The following RCBTB1 variants were observed in gnomAD, a reference collection of about 807,000 sequenced individuals.
RCBTB1 encodes the protein RCC1 and BTB domain-containing protein 1.
A neutral mutation model predicts 62.4 loss-of-function variants in RCBTB1; 46 were observed. That is an observed-to-expected ratio of 0.74 (90% CI 0.58 to 0.94). RCBTB1 has a LOEUF of 0.94. Among genes scored for constraint, RCBTB1 ranks in the 40% least tolerant of loss-of-function variants. The pLI, the probability that RCBTB1 is intolerant of heterozygous loss-of-function variation, is 0.00. For synonymous variants in RCBTB1, 222 were observed against 245.8 expected (o/e 0.90, Z 0.91); for missense variants, 565 against 654.9 (o/e 0.86, Z 1.50).
chr13:49,534,514 G>A (rs554467642), intron 12 of RCBTB1, among the ~76,000 whole-genome samples: 27 of 149,378 alleles, frequency 1.8e-4, no homozygotes, highest in Admixed American at 1.1e-3. Flanking sequence ...ACACGCGCGC[G>A]CACACACACA....
chr13:49,565,591 CA>C (rs2137308626), intron 4 of RCBTB1, among the ~76,000 whole-genome samples: 1 of 108,220 alleles, frequency 9.2e-6, no homozygotes, highest in East Asian at 2.8e-4. Context: ...CCCGGCCGCC[CA>C]TCGTCTGGGA....
intron 5 of RCBTB1, among the ~76,000 whole-genome samples, chr13:49,556,244 T>C (rs1961855059): frequency 6.7e-6 from 1 of 150,160 alleles, no homozygotes; most frequent in Admixed American, 6.6e-5. Flanking sequence ...TCCCCCAGGC[T>C]GGAGTGCAGT....
chr13:49,565,382 C>G (rs1962855886), intron 4 of RCBTB1, among the ~76,000 whole-genome samples: 1 of 152,212 alleles, frequency 6.6e-6, no homozygotes, highest in South Asian at 2.1e-4. Context: ...CACCTCCCAG[C>G]TGCCTGCCTT....
intron 4 of RCBTB1, among the ~76,000 whole-genome samples, chr13:49,563,309 T>C (rs955556869): frequency 8.7e-6 from 1 of 114,668 alleles, no homozygotes; most frequent in African/African-American, 3.4e-5. Flanking sequence ...CCATAATCAC[T>C]CCACTGTACT....
At chr13:49,543,190 G>C (rs185618352) in intron 10 of RCBTB1, among the ~76,000 whole-genome samples, 1 of 152,156 alleles carries the variant, frequency 6.6e-6, no homozygotes, top group Non-Finnish European at 1.5e-5. Flanking sequence ...CTTGAACACA[G>C]GAGGTGGAGG....
intron 3 of RCBTB1, 38 bp downstream of exon 3, chr13:49,567,116 A>G (rs202123073): frequency 3.0e-5 from 48 of 1,604,664 alleles, no homozygotes; most frequent in Non-Finnish European, 3.8e-5. Flanking sequence ...ATTGCCAAAT[A>G]AGTCCTAAAA....
intron 2 of RCBTB1, among the ~76,000 whole-genome samples, chr13:49,576,595 A>C (rs1249543300): frequency 6.6e-6 from 1 of 152,190 alleles, no homozygotes; most frequent in Non-Finnish European, 1.5e-5. Flanking sequence ...AATTTAAACC[A>C]GACCAAACAA....
chr13:49,544,944 G>T lies in RCBTB1; in HGVS notation c.1046-81C>A, dbSNP rs1266574360. ...CAAAAGACTTCAAAAAGATCATCAT[G>T]ACCGTGATGGATAATTCCACTTGTT... is the stretch of plus-strand genomic sequence containing the variant. On this transcript the variant is annotated intron_variant, in intron 9 of 12. Transcript: ENST00000378302. 4 of 1,112,968 alleles carry T rather than the reference G, an allele frequency of 3.6e-6. No homozygotes were observed. The African/African-American group carries it at 4.8e-5, about 13-fold the overall frequency. The allele number at this position is 1,112,968 out of a possible 1,614,324, so 68.9% of individuals were successfully genotyped here. A position where few individuals can be genotyped will look rare whatever the true frequency, so the allele number is the denominator to read the frequency against.
intron 10 of RCBTB1, among the ~76,000 whole-genome samples, chr13:49,543,841 A>G (rs1960586111): frequency 6.6e-6 from 1 of 152,052 alleles, no homozygotes; most frequent in East Asian, 1.9e-4. Context: ...ATGCACCACC[A>G]CACCTGGCTA....
At chr13:49,574,984 C>T (rs1963676852) in intron 2 of RCBTB1, among the ~76,000 whole-genome samples, 1 of 152,228 alleles carries the variant, frequency 6.6e-6, no homozygotes, top group South Asian at 2.1e-4. Context: ...ACAAATATTG[C>T]ATGATTCCAC....
At chr13:49,576,826 T>C (rs1264000930) in intron 2 of RCBTB1, among the ~76,000 whole-genome samples, 1 of 149,886 alleles carries the variant, frequency 6.7e-6, no homozygotes, top group Non-Finnish European at 1.5e-5. Flanking sequence ...TGAGTTATTA[T>C]TAGGTGAATC....
chr13:49,559,132 G>A (rs1962201578), intron 5 of RCBTB1, among the ~76,000 whole-genome samples: 1 of 152,186 alleles, frequency 6.6e-6, no homozygotes, highest in African/African-American at 2.4e-5. Context: ...TTTGCTTAAA[G>A]TTGTAGTTTC....
In RCBTB1 at chr13:49,544,855, C is replaced by A. The variant is rs765463785; in HGVS notation, c.1054G>T (p.Asp352Tyr). The change falls in exon 10 of 13, where the codon GAC (aspartate) becomes TAC (tyrosine). Residue 352 changes from aspartate (D) to tyrosine (Y), a missense_variant. By Grantham distance (160) the Asp-to-Tyr change is radical. Transcript: ENST00000378302. ...AGTGACTCTGCAACTGTTAAAAAGT[C>A]TTCATGCTCTGAAGGCAACAAACAT... Reference protein sequence around the residue: ...SWRLLSVEHEDFLTVAESLKK... With the variant: ...SWRLLSVEHEYFLTVAESLKK... The A allele has an allele frequency of 6.2e-7, 1 of 1,610,566 alleles. No homozygotes were observed. Among genetic ancestry groups the A allele is most frequent in the South Asian group, 1.1e-5 (1 of 90,892 alleles).
chr13:49,560,024 T>C lies in RCBTB1; in HGVS notation c.338A>G (p.Asn113Ser), dbSNP rs1185275877. ...GACCTGGACGGGAGCAATGCCTTGG[T>C]TGGTCGTCCCATTCCCAAGCTGGCT... The part of the protein sequence containing the change: ...GYSQLGNGTT[N>S]QGIAPVQVCT... Residue 113 changes from asparagine (N) to serine (S), a missense_variant, in exon 5 of 13, where the codon AAC becomes AGC. By Grantham distance (46) the Asn-to-Ser change is conservative (BLOSUM62 1). Transcript: ENST00000378302. 7.4e-6 allele frequency: 12 copies of C among 1,614,070 alleles called. No homozygotes were observed. Among genetic ancestry groups the C allele is most frequent in the African/African-American group, 6.7e-5 (5 of 74,922 alleles).
At chr13:49,567,026 C>T in intron 3 of RCBTB1, 128 bp downstream of exon 3, 1 of 866,960 alleles carries the variant, frequency 1.2e-6, no homozygotes, top group South Asian at 1.8e-5. Context: ...CTATCAAAGC[C>T]ATAGTCTTCC....
chr13:49,580,211 TA>T (rs1291870442), intron 2 of RCBTB1, among the ~76,000 whole-genome samples: 1 of 152,174 alleles, frequency 6.6e-6, no homozygotes, highest in African/African-American at 2.4e-5. Context: ...GTTTTTTCTG[TA>T]AGTTTGTTCT....
chr13:49,562,271 G>A (rs535045246), intron 4 of RCBTB1, among the ~76,000 whole-genome samples: 3 of 152,140 alleles, frequency 2.0e-5, no homozygotes, highest in Non-Finnish European at 2.9e-5. Flanking sequence ...TGACATAAGC[G>A]TTGTAAGATA....
At chr13:49,569,517 G>C (rs1054379493) in intron 2 of RCBTB1, among the ~76,000 whole-genome samples, 14 of 152,174 alleles carry the variant, frequency 9.2e-5, no homozygotes, top group African/African-American at 3.1e-4. Context: ...TTCGTGACCA[G>C]CCTGGCAAAC....
In RCBTB1 at chr13:49,538,393, CTTGTA is replaced by C. The variant is rs1407772695; in HGVS notation, c.1455+2478_1455+2482del. Among the ~76,000 whole-genome samples the C allele has an allele frequency of 2.0e-5, 3 of 152,160 alleles. No individual in the cohort carries two copies. In the East Asian group the frequency reaches 5.8e-4, roughly 29 times the overall value. On this transcript the variant is annotated intron_variant, in intron 12 of 12. Coordinates refer to ENST00000378302, the MANE Select transcript of RCBTB1 (RefSeq NM_018191.4). ...AAAAGCACATTAGTCAATTACGTAACTTGTATTGTAACCTAAGAAATACACCCTAG... is the reference window on the plus strand; with the variant it reads ...AAAAGCACATTAGTCAATTACGTAACTTGTAACCTAAGAAATACACCCTAG...
Sources: allele counts gnomAD v4.1 joint callset (sites outside exome capture counted in the v4.1 genomes callset), GRCh38; gene constraint gnomAD v4.1.1; transcripts MANE v1.5; gene names NCBI Gene and HGNC (gene_info 2026-07-23, HGNC 2026-07-21).